The following CAMK1D variants were observed in gnomAD, a reference collection of about 807,000 sequenced individuals.
The protein encoded by CAMK1D is calcium/calmodulin dependent protein kinase ID, also known as calcium/calmodulin-dependent protein kinase type 1D.
Under a neutral mutation model 47.7 loss-of-function variants are expected in CAMK1D, and 9 were observed. That is an observed-to-expected ratio of 0.19 (90% CI 0.11 to 0.33). The LOEUF (loss-of-function observed/expected upper bound fraction) is 0.33. Ranked by LOEUF, CAMK1D falls within the 10% of genes least tolerant of loss-of-function variation. The probability of loss-of-function intolerance (pLI) is 1.00; values close to 1 mark genes in which losing one functional copy is unlikely to be tolerated. For missense variants in CAMK1D, 291 were observed against 488.7 expected, an observed-to-expected ratio of 0.60 and a Z score of 3.81; for synonymous variants, 184 against 184.9, an observed-to-expected ratio of 0.99 and a Z score of 0.04.
chr10:12,382,541 C>A (rs1838374624), intron 1 of CAMK1D, among the ~76,000 whole-genome samples: 1 of 151,930 alleles, frequency 6.6e-6, no homozygotes, highest in Non-Finnish European at 1.5e-5. Context: ...GTTTAAAAAC[C>A]AGGATGGGCA....
At chr10:12,457,732 GATT>G (rs1833297072) in intron 1 of CAMK1D, among the ~76,000 whole-genome samples, 1 of 135,076 alleles carries the variant, frequency 7.4e-6, no homozygotes, top group African/African-American at 2.8e-5. Flanking sequence ...AGTGAGCTGA[GATT>G]ATGCCACTGC....
chr10:12,413,174 G>A (rs898343582), intron 1 of CAMK1D, among the ~76,000 whole-genome samples: 4 of 152,190 alleles, frequency 2.6e-5, no homozygotes, highest in African/African-American at 9.7e-5. Flanking sequence ...AGAAACCTCA[G>A]AAGCCTCAGA....
chr10:12,527,574 G>A (rs770430899), intron 1 of CAMK1D, among the ~76,000 whole-genome samples: 4 of 152,026 alleles, frequency 2.6e-5, no homozygotes, highest in African/African-American at 9.7e-5. Flanking sequence ...CACCATGTTG[G>A]TCTGGCTGGT....
At chr10:12,611,228 G>T (rs1838609640) in intron 2 of CAMK1D, among the ~76,000 whole-genome samples, 1 of 152,066 alleles carries the variant, frequency 6.6e-6, no homozygotes, top group Admixed American at 6.6e-5. Context: ...TGGACCTGGG[G>T]ACCCCATCAA....
chr10:12,679,269 CATA>C (rs899660822), intron 3 of CAMK1D, among the ~76,000 whole-genome samples: 49 of 152,104 alleles, frequency 3.2e-4, no homozygotes, highest in Non-Finnish European at 6.8e-4. Flanking sequence ...TTTAAGAAGT[CATA>C]GAAAGTACAT....
chr10:12,779,799 A>G (rs894994653), intron 5 of CAMK1D, among the ~76,000 whole-genome samples: 3 of 143,070 alleles, frequency 2.1e-5, no homozygotes, highest in Non-Finnish European at 4.6e-5. Flanking sequence ...TGGAGTGCAC[A>G]ACCACAGCCA....
At chr10:12,787,223 A>G (rs545100559) in intron 5 of CAMK1D, among the ~76,000 whole-genome samples, 76 of 152,336 alleles carry the variant, frequency 5.0e-4, no homozygotes, top group African/African-American at 1.8e-3. Context: ...CAGCCTGTAC[A>G]TGCCTTGCAC....
rs1050484406 is a variant in CAMK1D at position 12,811,719 on chromosome 10, A to G, written c.642-2476A>G. ...AAAGAAAGCCAAACCCTAAAGAAAA[A>G]CACACACGGTTGTAAATAAACAAAA... is the stretch of plus-strand genomic sequence containing the variant. On this transcript the variant is annotated intron_variant, in intron 6 of 10. Transcript: ENST00000619168. Among the ~76,000 whole-genome samples, 13 of 152,384 alleles carry G rather than the reference A, an allele frequency of 8.5e-5. No individual in the cohort carries two copies. In the South Asian group the frequency reaches 2.7e-3, roughly 32 times the overall value.
At chr10:12,410,304 T>C (rs901211517) in intron 1 of CAMK1D, among the ~76,000 whole-genome samples, 1 of 152,236 alleles carries the variant, frequency 6.6e-6, no homozygotes, top group African/African-American at 2.4e-5. Flanking sequence ...TGTAACTCTG[T>C]ATTTTCTTGA....
intron 4 of CAMK1D, among the ~76,000 whole-genome samples, 181 bp from the exon 5 acceptor site, chr10:12,769,492 C>CA (rs1836934535): frequency 6.6e-6 from 1 of 152,208 alleles, no homozygotes; most frequent in Non-Finnish European, 1.5e-5. Context: ...GTGTGCCAGA[C>CA]ACACTGTGCC....
chr10:12,745,697 G>T (rs534369652), intron 3 of CAMK1D, among the ~76,000 whole-genome samples: 1 of 151,192 alleles, frequency 6.6e-6, no homozygotes, highest in South Asian at 2.1e-4. Flanking sequence ...CCGCCTCCTG[G>T]GTTCAAACGA....
At position 12,554,335 on chromosome 10, in the gene CAMK1D, T is replaced by G. The variant is rs1375712014; in HGVS notation, c.224+979T>G. Among the ~76,000 whole-genome samples the G allele has an allele frequency of 3.1e-5, 4 of 130,476 alleles. 1 individual carries two copies. The East Asian group carries it at 9.0e-4, about 29-fold the overall frequency. 85.6% of individuals were successfully genotyped at this position (130,476 alleles called of 152,430 possible). A position where few individuals can be genotyped will look rare whatever the true frequency, so the allele number is the denominator to read the frequency against. ...CATGCCCAGCTAATTTTTGTATTTT[T>G]GTAGAGATGAGGTTTCTCCATGTTG... On this transcript the variant is annotated intron_variant, in intron 2 of 10. Transcript: ENST00000619168.
intron 5 of CAMK1D, among the ~76,000 whole-genome samples, chr10:12,781,184 T>C (rs1419310205): frequency 1.3e-5 from 2 of 151,920 alleles, no homozygotes; most frequent in Non-Finnish European, 2.9e-5. Flanking sequence ...ATTGTGGAGC[T>C]CCATTTGTTC....
chr10:12,366,571 A>G (rs1837842336), intron 1 of CAMK1D, among the ~76,000 whole-genome samples: 1 of 152,010 alleles, frequency 6.6e-6, no homozygotes, highest in Admixed American at 6.6e-5. Flanking sequence ...AGGCAGGAGA[A>G]TCGCTTGAAC....
chr10:12,691,289 A>G (rs1490146213), intron 3 of CAMK1D, among the ~76,000 whole-genome samples: 1 of 150,106 alleles, frequency 6.7e-6, no homozygotes, highest in East Asian at 2.0e-4. Context: ...GCACTTGTTC[A>G]TGGGGAGGGA....
chr10:12,758,465 C>T (rs1022255927), intron 3 of CAMK1D, among the ~76,000 whole-genome samples: 1 of 152,114 alleles, frequency 6.6e-6, no homozygotes, highest in African/African-American at 2.4e-5. Context: ...TCTTTCCAAG[C>T]AGTGTTCAGA....
chr10:12,707,000 G>T (rs1430742210), intron 3 of CAMK1D, among the ~76,000 whole-genome samples: 1 of 152,098 alleles, frequency 6.6e-6, no homozygotes, highest in East Asian at 1.9e-4. Context: ...AAACTGTGCG[G>T]TTTGGGAAGA....
chr10:12,833,284 C>G lies in CAMK1D; in HGVS notation c.*4397C>G, dbSNP rs912537308. On this transcript the variant is annotated 3_prime_UTR_variant, in exon 11 of 11. Transcript: ENST00000619168. ...AATCGTAGGTGGGAGGGACAGAAGCCGAGAACACCAGGCACACGGGGTGGG... is the reference window on the plus strand; with the variant it reads ...AATCGTAGGTGGGAGGGACAGAAGCGGAGAACACCAGGCACACGGGGTGGG... 6.6e-6 allele frequency: 1 copy of G among 152,602 alleles called. No individual in the cohort carries two copies. The highest frequency in any genetic ancestry group is 2.4e-5 in the African/African-American group (1 of 41,432). The allele number at this position is 152,602 out of a possible 1,614,324, so 9.5% of individuals were successfully genotyped here.
At chr10:12,523,605 C>T (rs1003406130) in intron 1 of CAMK1D, among the ~76,000 whole-genome samples, 14 of 152,182 alleles carry the variant, frequency 9.2e-5, no homozygotes, top group African/African-American at 2.7e-4. Flanking sequence ...ACCAGTCAGG[C>T]GTGGCGGATC....
Sources: gnomAD v4.1 joint callset for allele counts (sites outside exome capture counted in the v4.1 genomes callset) on GRCh38, gnomAD v4.1.1 for gene constraint, MANE v1.5 for transcripts, NCBI Gene and HGNC (gene_info 2026-07-23, HGNC 2026-07-21) for gene names.